Variants in CRTAC1 observed in about 807,000 individuals in gnomAD.
CRTAC1 encodes acidic secreted protein in cartilage.
In CRTAC1, 37 loss-of-function variants were observed where a neutral mutation model predicts 67.8. The observed-to-expected ratio is 0.55, with a 90% CI of 0.42 to 0.72. CRTAC1 has a LOEUF of 0.72. Ranked by LOEUF, CRTAC1 falls within the 30% of genes least tolerant of loss-of-function variation. The probability of loss-of-function intolerance (pLI) is 0.00; values close to 1 mark genes in which losing one functional copy is unlikely to be tolerated. For synonymous variants in CRTAC1, 348 were observed against 371.0 expected, an observed-to-expected ratio of 0.94 and a Z score of 0.71; for missense variants, 780 against 931.6, an observed-to-expected ratio of 0.84 and a Z score of 2.12.
intron 1 of CRTAC1, among the ~76,000 whole-genome samples, chr10:98,024,934 T>C (rs1488136317): frequency 6.6e-6 from 1 of 151,946 alleles, no homozygotes; most frequent in African/African-American, 2.4e-5. Context: ...AATAGAAATA[T>C]TAATATAGTC....
intron 2 of CRTAC1, among the ~76,000 whole-genome samples, chr10:97,983,288 A>C (rs2051927911): frequency 6.8e-6 from 1 of 148,004 alleles, no homozygotes; most frequent in African/African-American, 2.7e-5. Context: ...GAGCACCTAC[A>C]CTGTGCTTAC....
intron 14 of CRTAC1, chr10:97,869,153 T>A (rs377189425): frequency 2.0e-5 from 3 of 152,250 alleles, no homozygotes; most frequent in African/African-American, 7.2e-5. Context: ...TCAGGCAGAT[T>A]CCCAGGGAAG....
intron 14 of CRTAC1, among the ~76,000 whole-genome samples, chr10:97,878,123 T>A (rs565327737): frequency 2.6e-4 from 40 of 152,264 alleles, no homozygotes; most frequent in African/African-American, 8.7e-4. Flanking sequence ...GACAAGATGG[T>A]GTGGTGGGAA....
intron 8 of CRTAC1, 134 bp downstream of exon 8, chr10:97,901,369 G>T: frequency 1.0e-6 from 1 of 993,710 alleles, no homozygotes; most frequent in East Asian, 2.6e-5. Context: ...TCTTCATCAG[G>T]GGACCTGTGT....
At chr10:97,941,219 C>T (rs1214484931) in intron 2 of CRTAC1, among the ~76,000 whole-genome samples, 1 of 152,068 alleles carries the variant, frequency 6.6e-6, no homozygotes, top group East Asian at 1.9e-4. Context: ...CCACCGCTGT[C>T]CTCTGAAAGC....
chr10:97,963,309 T>A (rs2051558056), intron 2 of CRTAC1, among the ~76,000 whole-genome samples: 1 of 152,142 alleles, frequency 6.6e-6, no homozygotes, highest in Non-Finnish European at 1.5e-5. Context: ...AGCACTGGCA[T>A]CCCCTGGGGG....
At chr10:97,953,125 C>T (rs539933612) in intron 2 of CRTAC1, among the ~76,000 whole-genome samples, 17 of 152,190 alleles carry the variant, frequency 1.1e-4, no homozygotes, top group Non-Finnish European at 2.2e-4. Flanking sequence ...CCTCCTTGCA[C>T]CCACCATGCC....
Position 97,901,607 on chromosome 10 carries a change from G to T in CRTAC1, c.1029C>A (p.Ser343=), listed in dbSNP as rs746140210. 1 of 1,614,082 alleles carries T rather than the reference G, an allele frequency of 6.2e-7. No homozygotes were observed. Among genetic ancestry groups the T allele is most frequent in the East Asian group, 2.2e-5 (1 of 44,894 alleles). The change falls in exon 8 of 15, where the codon TCC becomes TCA. Residue 343 remains serine (S), a synonymous_variant. Transcript: ENST00000370597. ...CGGCGGTGATGACCGTGCGGACAGG[G>T]GAGGGCATGGAGAACTTGGGTGAGG... ...DIASPKFSMP[S]PVRTVITADF...
At chr10:97,891,749 T>C (rs2050378094) in intron 11 of CRTAC1, among the ~76,000 whole-genome samples, 1 of 152,198 alleles carries the variant, frequency 6.6e-6, no homozygotes, top group Non-Finnish European at 1.5e-5. Context: ...TCGCTCCTGC[T>C]CCATTGCTGG....
intron 14 of CRTAC1, chr10:97,871,602 G>C (rs184398258): frequency 6.6e-6 from 1 of 152,094 alleles, no homozygotes; most frequent in Non-Finnish European, 1.5e-5. Context: ...TTTAATTCTC[G>C]AACACTGGGG....
chr10:97,877,122 C>A (rs2050157461), intron 14 of CRTAC1, among the ~76,000 whole-genome samples: 1 of 152,010 alleles, frequency 6.6e-6, no homozygotes, highest in South Asian at 2.1e-4. Context: ...ATGGGAGGAA[C>A]CTAGTGCTTG....
intron 8 of CRTAC1, 68 bp downstream of exon 8, chr10:97,901,435 T>A: frequency 1.2e-6 from 2 of 1,602,852 alleles, no homozygotes; most frequent in Non-Finnish European, 8.5e-7. Context: ...TTCTTAAACC[T>A]TCTCCCTGAC....
chr10:97,924,450 G>A (rs2050884854), intron 3 of CRTAC1, among the ~76,000 whole-genome samples: 1 of 152,188 alleles, frequency 6.6e-6, no homozygotes, highest in South Asian at 2.1e-4. Context: ...GGCCAGGGAA[G>A]AGGCAGCAGG....
chr10:97,907,900 C>T, intron 6 of CRTAC1, 113 bp downstream of exon 6: 2 of 1,182,374 alleles, frequency 1.7e-6, no homozygotes, highest in Admixed American at 2.4e-5. Flanking sequence ...ATGACTTGCC[C>T]TGCTCTCCCT....
At chr10:97,898,609 G>T (rs1306799564) in intron 8 of CRTAC1, among the ~76,000 whole-genome samples, 1 of 152,194 alleles carries the variant, frequency 6.6e-6, no homozygotes, top group Non-Finnish European at 1.5e-5. Flanking sequence ...AAAGAGTTTG[G>T]ACTTCATCCA....
In CRTAC1 at chr10:97,950,246, C is replaced by CACAGAGAGAG. The variant is rs1447953866; in HGVS notation, c.225-13881_225-13880insCTCTCTCTGT. On this transcript the variant is annotated intron_variant, in intron 2 of 14. Coordinates refer to ENST00000370597, the MANE Select transcript of CRTAC1 (RefSeq NM_018058.7). ...TTGCATGTACGTGCACACACACACA[C>CACAGAGAGAG]AGAGAGAGAGAGAGAGAGAGAGAGA... Among the ~76,000 whole-genome samples the CACAGAGAGAG allele has an allele frequency of 3.3e-3, 372 of 113,388 alleles. 2 individuals are homozygous for CACAGAGAGAG. Among genetic ancestry groups the CACAGAGAGAG allele is most frequent in the Middle Eastern group, 0.019 (4 of 214 alleles). 74.4% of individuals were successfully genotyped at this position (113,388 alleles called of 152,430 possible). A position where few individuals can be genotyped will look rare whatever the true frequency, so the allele number is the denominator to read the frequency against.
rs763284622 is a variant in CRTAC1, at chr10:97,936,198, G to A, written c.393C>T (p.Tyr131=). ...DIDGDGREEI[Y]FLNTNNAFSG... is the part of the protein sequence containing the mutation. ...AGAAGGCATTATTGGTGTTGAGGAA[G>A]TAGATCTCCTCCCGGCCGTCCCCGT... The change falls in exon 3 of 15, where the codon TAC becomes TAT. Residue 131 remains tyrosine, a synonymous_variant. Transcript: ENST00000370597. 16 of 1,613,254 alleles carry A rather than the reference G, an allele frequency of 9.9e-6. No homozygotes were observed. The highest frequency in any genetic ancestry group is 1.4e-5 in the Non-Finnish European group (16 of 1,179,552).
intron 1 of CRTAC1, among the ~76,000 whole-genome samples, chr10:98,028,181 C>A (rs1843279254): frequency 6.6e-6 from 1 of 152,162 alleles, no homozygotes; most frequent in African/African-American, 2.4e-5. Context: ...CTTGCACCTG[C>A]CCCATAGCAC....
chr10:97,993,452 T>C (rs966906122), intron 2 of CRTAC1, among the ~76,000 whole-genome samples: 6 of 152,102 alleles, frequency 3.9e-5, no homozygotes, highest in Admixed American at 3.3e-4. Flanking sequence ...AAATATGACA[T>C]TCTGCTCTGT....
Sources: gnomAD v4.1 joint callset for allele counts (sites outside exome capture counted in the v4.1 genomes callset) on GRCh38, gnomAD v4.1.1 for gene constraint, MANE v1.5 for transcripts, NCBI Gene and HGNC (gene_info 2026-07-23, HGNC 2026-07-21) for gene names.